Variants in PCDHA3 observed in about 807,000 individuals in gnomAD.
PCDHA3 encodes protocadherin alpha 3, also known as protocadherin alpha-3.
In PCDHA3, 41 loss-of-function variants were observed where a neutral mutation model predicts 62.2. The ratio of observed to expected loss-of-function variants is 0.66; its 90% confidence interval spans 0.51 to 0.86. The LOEUF (loss-of-function observed/expected upper bound fraction) is 0.86. Among genes scored for constraint, PCDHA3 ranks in the 40% least tolerant of loss-of-function variants. The probability of loss-of-function intolerance (pLI) is 0.00; values close to 1 mark genes in which losing one functional copy is unlikely to be tolerated. For synonymous variants in PCDHA3, 640 were observed against 555.4 expected (o/e 1.15, Z -2.14); for missense variants, 1,304 against 1,241.2 (o/e 1.05, Z -0.76).
At chr5:140,879,201 G>A (rs2057895897) in intron 1 of PCDHA3, among the ~76,000 whole-genome samples, 1 of 152,164 alleles carries the variant, frequency 6.6e-6, no homozygotes, top group Non-Finnish European at 1.5e-5. Context: ...TTAAATTATG[G>A]CAGTAGAAAT....
chr5:140,895,905 G>A (rs987746254), intron 1 of PCDHA3, among the ~76,000 whole-genome samples: 4 of 152,076 alleles, frequency 2.6e-5, no homozygotes, highest in Admixed American at 1.3e-4. Context: ...TCCGCGTCCC[G>A]GGCTCAACAA....
At chr5:140,948,253 AT>A (rs1365335948) in intron 1 of PCDHA3, among the ~76,000 whole-genome samples, 1 of 151,624 alleles carries the variant, frequency 6.6e-6, no homozygotes, top group Non-Finnish European at 1.5e-5. Context: ...ATATTTTTAC[AT>A]CTGTGTTCAT....
At chr5:140,889,113 G>C (rs1256051132) in intron 1 of PCDHA3, among the ~76,000 whole-genome samples, 1 of 151,370 alleles carries the variant, frequency 6.6e-6, no homozygotes, top group East Asian at 1.9e-4. Context: ...TTTATTCCAG[G>C]TGATACTGAT....
At chr5:140,955,438 A>C (rs975663366) in intron 1 of PCDHA3, among the ~76,000 whole-genome samples, 2 of 151,994 alleles carry the variant, frequency 1.3e-5, no homozygotes, top group African/African-American at 4.8e-5. Context: ...ATTAGGTCTG[A>C]TGGTTTTATA....
intron 1 of PCDHA3, chr5:140,814,987 G>A (rs1462134878): frequency 6.6e-6 from 1 of 152,030 alleles, no homozygotes; most frequent in Non-Finnish European, 1.5e-5. Flanking sequence ...ACTATTTTGT[G>A]TGATGTAGCT....
chr5:140,824,222 C>G (rs2150133268), intron 1 of PCDHA3: 1 of 1,556,634 alleles, frequency 6.4e-7, no homozygotes, highest in South Asian at 1.1e-5. Context: ...AAAATTATGT[C>G]TTAGTACACA....
intron 1 of PCDHA3, chr5:140,834,950 A>C: frequency 1.3e-6 from 2 of 1,550,084 alleles, no homozygotes; most frequent in Non-Finnish European, 1.8e-6. Context: ...ACCAGCAGGT[A>C]AAACCTCTTG....
chr5:140,926,420 T>G, intron 1 of PCDHA3: 1 of 152,792 alleles, frequency 6.5e-6, no homozygotes, highest in Non-Finnish European at 1.5e-5. Context: ...GGGCAGAGGA[T>G]GTGGAGGTTA....
rs201231291 is a variant in PCDHA3, at chr5:140,849,957, G to T, written c.2394+46366G>T. ...GCGGGACGCTGACGCGCAGGAGAAC[G>T]CCCTGGTGTCCTACTCGCTGGTGGA... On this transcript the variant is annotated intron_variant, in intron 1 of 3. Coordinates refer to ENST00000522353, the MANE Select transcript of PCDHA3 (RefSeq NM_018906.3). 28 of 1,597,916 alleles carry T rather than the reference G, an allele frequency of 1.8e-5. 1 individual carries two copies. The East Asian group carries it at 6.0e-4, about 34-fold the overall frequency.
intron 1 of PCDHA3, chr5:140,927,446 TG>T: frequency 2.1e-5 from 34 of 1,614,128 alleles, no homozygotes; most frequent in Non-Finnish European, 2.5e-5. Flanking sequence ...TACCCGGAGT[TG>T]GTGTTGGAGA....
At chr5:141,004,843 A>G (rs2098184369) in intron 3 of PCDHA3, among the ~76,000 whole-genome samples, 1 of 152,230 alleles carries the variant, frequency 6.6e-6, no homozygotes, top group African/African-American at 2.4e-5. Context: ...CAAAGTCATT[A>G]GTCTCAGAGA....
chr5:140,921,732 A>G lies in PCDHA3; in HGVS notation c.2395-57217A>G, dbSNP rs1345229893. 2.0e-5 allele frequency among the ~76,000 whole-genome samples: 3 copies of G among 152,206 alleles called. No individual in the cohort carries two copies. In the East Asian group the frequency reaches 5.8e-4, roughly 29 times the overall value. ...AAACACACGAATTACTCCCATAAAA[A>G]TTATAAGCATAACAGGACACTTCTT... is the stretch of plus-strand genomic sequence containing the variant. On this transcript the variant is annotated intron_variant, in intron 1 of 3. Coordinates refer to ENST00000522353, the MANE Select transcript of PCDHA3 (RefSeq NM_018906.3).
rs542701193 is a variant in PCDHA3 at position 140,931,976 on chromosome 5, A to G, written c.2395-46973A>G. 2.6e-5 allele frequency among the ~76,000 whole-genome samples: 4 copies of G among 152,074 alleles called. No homozygotes were observed. In the East Asian group the frequency reaches 7.7e-4, roughly 29 times the overall value. On this transcript the variant is annotated intron_variant, in intron 1 of 3. Coordinates refer to ENST00000522353, the MANE Select transcript of PCDHA3 (RefSeq NM_018906.3). ...GAATCATGTTGATGCATATGTGTTTATATTTTGCTCAAATTCTAAGTTCTT... is the reference window on the plus strand; with the variant it reads ...GAATCATGTTGATGCATATGTGTTTGTATTTTGCTCAAATTCTAAGTTCTT...
chr5:140,891,433 G>A (rs1256174929), intron 1 of PCDHA3, among the ~76,000 whole-genome samples: 1 of 145,874 alleles, frequency 6.9e-6, no homozygotes, highest in African/African-American at 2.6e-5. Flanking sequence ...AGTCCCCAAC[G>A]TCCATTGTAT....
intron 1 of PCDHA3, among the ~76,000 whole-genome samples, chr5:140,897,009 ATAC>A (rs2065839600): frequency 6.6e-6 from 1 of 152,174 alleles, no homozygotes. Flanking sequence ...ATTTTTAAAT[ATAC>A]AACTAAATTA....
In PCDHA3 at chr5:140,996,437, G is replaced by A. The variant is rs1013018828; in HGVS notation, c.2543-13190G>A. On this transcript the variant is annotated intron_variant, in intron 3 of 3. Coordinates refer to ENST00000522353, the MANE Select transcript of PCDHA3 (RefSeq NM_018906.3). Reference sequence around the variant, plus strand: ...AGTGTGAAAACTTTGGGAATAGTCAGTGTCAAGTTGTGGTGCTAAGGGAGG... The same window carrying A: ...AGTGTGAAAACTTTGGGAATAGTCAATGTCAAGTTGTGGTGCTAAGGGAGG... Among the ~76,000 whole-genome samples the A allele has an allele frequency of 4.6e-5, 7 of 152,224 alleles. 1 individual carries two copies. The highest frequency in any genetic ancestry group is 2.6e-4 in the Admixed American group (4 of 15,280).
At chr5:140,836,230 C>G (rs1774305055) in intron 1 of PCDHA3, 1 of 1,613,786 alleles carries the variant, frequency 6.2e-7, no homozygotes, top group Admixed American at 1.7e-5. Context: ...CCGGTGGCGG[C>G]CGGTGCGAGC....
At chr5:140,807,997 C>T in intron 1 of PCDHA3, 3 of 1,613,450 alleles carry the variant, frequency 1.9e-6, no homozygotes, top group Non-Finnish European at 2.5e-6. Context: ...CAGATTTAGA[C>T]GAAGGATTGA....
chr5:140,822,251 T>C, intron 1 of PCDHA3: 1 of 1,614,236 alleles, frequency 6.2e-7, no homozygotes, highest in Non-Finnish European at 8.5e-7. Flanking sequence ...GCGTCGGATT[T>C]GGATATTGGA....
Sources: gnomAD v4.1 joint callset for allele counts (sites outside exome capture counted in the v4.1 genomes callset) on GRCh38, gnomAD v4.1.1 for gene constraint, MANE v1.5 for transcripts, NCBI Gene and HGNC (gene_info 2026-07-23, HGNC 2026-07-21) for gene names.